CRTAC1: variants seen among roughly 807,000 people sequenced by gnomAD.
CRTAC1 encodes the protein cartilage acidic protein 1, also known as acidic secreted protein in cartilage.
A neutral mutation model predicts 67.8 loss-of-function variants in CRTAC1; 37 were observed. The ratio of observed to expected loss-of-function variants is 0.55; its 90% CI spans 0.42 to 0.72. The LOEUF is 0.72. Ranked by LOEUF, CRTAC1 falls within the 30% of genes least tolerant of loss-of-function variation. CRTAC1 has a pLI of 0.00. For synonymous variants in CRTAC1, 348 were observed against 371.0 expected (o/e 0.94, Z 0.71); for missense variants, 780 against 931.6 (o/e 0.84, Z 2.12).
At chr10:97,919,028 ACCACCCCC>A (rs200703043) in intron 4 of CRTAC1, among the ~76,000 whole-genome samples, 10,418 of 73,314 alleles carry the variant, frequency 0.14, 428 homozygotes, top group East Asian at 0.28. Context: ...CAAGTGATCC[ACCACCCCC>A]CCCCGCCTCA....
chr10:97,925,725 G>C (rs556394494), intron 3 of CRTAC1, among the ~76,000 whole-genome samples: 13 of 150,556 alleles, frequency 8.6e-5, no homozygotes, highest in Non-Finnish European at 1.3e-4. Flanking sequence ...TGTGAGGGGA[G>C]GGTGAGTGAG....
intron 11 of CRTAC1, among the ~76,000 whole-genome samples, chr10:97,888,446 G>A (rs1425542178): frequency 1.3e-5 from 2 of 152,170 alleles, no homozygotes; most frequent in Non-Finnish European, 2.9e-5. Context: ...AGTTCAGAGC[G>A]GGAAAGAGTG....
At chr10:97,977,022 T>C (rs1291078311) in intron 2 of CRTAC1, among the ~76,000 whole-genome samples, 2 of 152,262 alleles carry the variant, frequency 1.3e-5, no homozygotes, top group Non-Finnish European at 2.9e-5. Context: ...TCTGAGTCTT[T>C]GCTGGACCTT....
chr10:98,011,222 TA>T lies in CRTAC1; in HGVS notation c.139del (p.Tyr47MetfsTer37). On this transcript the variant is annotated frameshift_variant, in exon 2 of 15. Coordinates refer to ENST00000370597, the MANE Select transcript of CRTAC1 (RefSeq NM_018058.7). LOFTEE classifies it high-confidence loss of function. ...GTTGAGCTGGGTGGGATTACTGTCA[TA>T]GTCAGGAGGCAGAACTGAGTTGGTG... ...AVTNSVLPPD[Y>X]DSNPTQLNYG... The T allele has an allele frequency of 6.2e-7, 1 of 1,614,182 alleles. No homozygotes were observed. The highest frequency in any genetic ancestry group is 2.2e-5 in the East Asian group (1 of 44,888).
intron 2 of CRTAC1, among the ~76,000 whole-genome samples, chr10:97,980,510 G>A (rs1296898537): frequency 6.6e-6 from 1 of 152,194 alleles, no homozygotes; most frequent in African/African-American, 2.4e-5. Context: ...GAAGTCCTGG[G>A]ATCCACTTCC....
intron 13 of CRTAC1, among the ~76,000 whole-genome samples, chr10:97,881,318 C>T (rs1304189989): frequency 6.6e-6 from 1 of 152,208 alleles, no homozygotes; most frequent in Non-Finnish European, 1.5e-5. Context: ...TCCTGCCCTT[C>T]CCTCAACTCT....
chr10:97,974,577 T>G (rs1356381976), intron 2 of CRTAC1, among the ~76,000 whole-genome samples: 1 of 152,128 alleles, frequency 6.6e-6, no homozygotes, highest in Non-Finnish European at 1.5e-5. Context: ...AGAAGTCGCT[T>G]TGGTGGAAAT....
chr10:97,975,568 T>C lies in CRTAC1; in HGVS notation c.224+35570A>G, dbSNP rs1238202549. Among the ~76,000 whole-genome samples, 1 of 152,174 alleles carries C rather than the reference T, an allele frequency of 6.6e-6. No homozygotes were observed. The highest frequency in any genetic ancestry group is 1.5e-5 in the Non-Finnish European group (1 of 68,012). ...CAGTCGGAATGGAGTCACCTTTTCC[T>C]AAAGGACGTGGGGCACCATTTCTGT... is the stretch of plus-strand genomic sequence containing the variant. On this transcript the variant is annotated intron_variant, in intron 2 of 14. Coordinates refer to ENST00000370597, the MANE Select transcript of CRTAC1 (RefSeq NM_018058.7). The surrounding 1 kb of genome is among the most constrained non-coding windows in gnomAD (Gnocchi z 4.8).
intron 1 of CRTAC1, among the ~76,000 whole-genome samples, chr10:98,024,158 C>T (rs1446222383): frequency 6.6e-6 from 1 of 152,240 alleles, no homozygotes; most frequent in African/African-American, 2.4e-5. Flanking sequence ...TCCCTGCAGT[C>T]CCTCCTCAGG....
chr10:97,884,036 T>C (rs1174579027), intron 12 of CRTAC1, among the ~76,000 whole-genome samples, 170 bp downstream of exon 12: 2 of 152,224 alleles, frequency 1.3e-5, no homozygotes, highest in Non-Finnish European at 2.9e-5. Context: ...GTGGGTGTGA[T>C]AGTGTTGTGC....
chr10:97,884,732 C>A (rs1433535526), intron 11 of CRTAC1, among the ~76,000 whole-genome samples: 1 of 152,212 alleles, frequency 6.6e-6, no homozygotes, highest in Non-Finnish European at 1.5e-5. Flanking sequence ...GATAGTGCAG[C>A]TCTTGAACTC....
chr10:97,917,661 G>C lies in CRTAC1; in HGVS notation c.559-5C>G, dbSNP rs2050779152. On this transcript the variant is annotated splice_region_variant and splice_polypyrimidine_tract_variant and intron_variant, in intron 4 of 14. Transcript: ENST00000370597. ...GATAGAGTAGCGTCCAGAGCCCTGA[G>C]GAAGAAGGGAAGGGAGAGGTGAGCA... The C allele has an allele frequency of 3.3e-6, 5 of 1,537,322 alleles. No homozygotes were observed. The highest frequency in any genetic ancestry group is 4.4e-6 in the Non-Finnish European group (5 of 1,131,706).
intron 2 of CRTAC1, among the ~76,000 whole-genome samples, chr10:97,963,772 C>A (rs1016626655): frequency 6.6e-6 from 1 of 152,190 alleles, no homozygotes; most frequent in Non-Finnish European, 1.5e-5. Flanking sequence ...CTTTGGTAAA[C>A]ACCATGTATT....
At chr10:97,903,193 G>A (rs968033160) in intron 7 of CRTAC1, among the ~76,000 whole-genome samples, 12 of 148,854 alleles carry the variant, frequency 8.1e-5, no homozygotes, top group Admixed American at 2.7e-4. Context: ...GTGCGTTGGC[G>A]TTTGGGACTG....
At chr10:97,934,825 C>T (rs1035210912) in intron 3 of CRTAC1, among the ~76,000 whole-genome samples, 11 of 152,020 alleles carry the variant, frequency 7.2e-5, no homozygotes, top group African/African-American at 2.7e-4. Context: ...ACACAGGGCC[C>T]TACATCCCTC....
chr10:97,990,215 A>G (rs897480505), intron 2 of CRTAC1, among the ~76,000 whole-genome samples: 1 of 152,192 alleles, frequency 6.6e-6, no homozygotes, highest in Non-Finnish European at 1.5e-5. Flanking sequence ...ACTTTAAAAT[A>G]TATGGGAGAA....
chr10:97,917,956 T>A (rs2050783639), intron 4 of CRTAC1, among the ~76,000 whole-genome samples: 1 of 152,132 alleles, frequency 6.6e-6, no homozygotes, highest in Non-Finnish European at 1.5e-5. Flanking sequence ...TATAGACAAT[T>A]TTCTAATGTG....
chr10:97,896,973 G>A lies in CRTAC1; in HGVS notation c.1152C>T (p.His384=), dbSNP rs566547089. The A allele has an allele frequency of 3.0e-5, 46 of 1,559,208 alleles. No individual in the cohort carries two copies. The African/African-American group carries it at 3.3e-4, about 11-fold the overall frequency. ...NRLFRVIRRE[H]GDPLIEELNP... ...TGAGCTCCTCGATGAGGGGGTCTCC[G>A]TGCTCTCTACGGATGACGCTGCAGG... Residue 384 remains histidine, a synonymous_variant, in exon 9 of 15, where the codon CAC becomes CAT. Coordinates refer to ENST00000370597, the MANE Select transcript of CRTAC1 (RefSeq NM_018058.7).
At chr10:97,922,202 C>T (rs1026651768) in intron 4 of CRTAC1, among the ~76,000 whole-genome samples, 1 of 152,184 alleles carries the variant, frequency 6.6e-6, no homozygotes, top group African/African-American at 2.4e-5. Flanking sequence ...CTACTCCCAC[C>T]AGGCAGGAGT....
Sources: gnomAD v4.1 joint callset for allele counts (sites outside exome capture counted in the v4.1 genomes callset) on GRCh38, gnomAD v4.1.1 for gene constraint, Gnocchi (gnomAD v3.1) non-coding constraint, MANE v1.5 for transcripts, NCBI Gene and HGNC (gene_info 2026-07-23, HGNC 2026-07-21) for gene names.